Variants in COMMD2 observed in about 807,000 individuals in gnomAD.
COMMD2 encodes COMM domain containing 2.
In COMMD2, 25 loss-of-function variants were observed where a neutral mutation model predicts 22.5. The ratio of observed to expected loss-of-function variants is 1.11; its 90% CI spans 0.81 to 1.55. The LOEUF (loss-of-function observed/expected upper bound fraction) is 1.55. COMMD2 is among the 40% of genes most tolerant of loss of function. The pLI, the probability that COMMD2 is intolerant of heterozygous loss-of-function variation, is 0.00. For synonymous variants in COMMD2, 98 were observed against 91.2 expected, an observed-to-expected ratio of 1.07 and a Z score of -0.42; for missense variants, 223 against 232.9, an observed-to-expected ratio of 0.96 and a Z score of 0.28.
In COMMD2 at chr3:149,752,428, G is replaced by A; in HGVS notation, c.17C>T (p.Ser6Phe). The A allele has an allele frequency of 6.2e-7, 1 of 1,613,776 alleles. No individual in the cohort carries two copies. The highest frequency in any genetic ancestry group is 8.5e-7 in the Non-Finnish European group (1 of 1,179,814). ...GGCCAGGTGTTCCTTATGCTCCTCG[G>A]ACAATTCCAGCAGCATCTTCACTGT... Reference protein sequence around the residue: MLLELSEEHKEHLAFL... With the variant: MLLELFEEHKEHLAFL... Residue 6 changes from serine (S) to phenylalanine (F), a missense_variant, in exon 1 of 5, where the codon TCC becomes TTC. Ser to Phe is a radical substitution (Grantham distance 155). Coordinates refer to ENST00000473414, the MANE Select transcript of COMMD2 (RefSeq NM_016094.4).
At chr3:149,746,668 A>T (rs1407229617) in intron 4 of COMMD2, among the ~76,000 whole-genome samples, 2 of 151,690 alleles carry the variant, frequency 1.3e-5, no homozygotes, top group Non-Finnish European at 2.9e-5. Context: ...CTGTAATCCC[A>T]GCTACTCAGG....
intron 4 of COMMD2, among the ~76,000 whole-genome samples, chr3:149,745,490 A>T (rs1330839782): frequency 6.6e-6 from 1 of 152,052 alleles, no homozygotes; most frequent in Non-Finnish European, 1.5e-5. Flanking sequence ...CTATTAAAAC[A>T]CTCATCACAC....
rs144424348 is a variant in COMMD2, at chr3:149,747,970, AAG to A, written c.402+2706_402+2707del. On this transcript the variant is annotated intron_variant, in intron 4 of 4. Transcript: ENST00000473414. ...CTCAAAAAAAAAAAAAAAAAAAAAA[AAG>A]GCTTAGTATAGAAAGGAGCAAAATA... is the stretch of plus-strand genomic sequence containing the variant. 2.0e-3 allele frequency among the ~76,000 whole-genome samples: 297 copies of A among 150,260 alleles called. 1 individual carries two copies. The highest frequency in any genetic ancestry group is 6.9e-3 in the African/African-American group (279 of 40,498).
At chr3:149,743,998 A>C (rs1716302022) in intron 4 of COMMD2, among the ~76,000 whole-genome samples, 1 of 152,194 alleles carries the variant, frequency 6.6e-6, no homozygotes, top group African/African-American at 2.4e-5. Flanking sequence ...AGATTACATA[A>C]CATCCCTAAC....
intron 4 of COMMD2, among the ~76,000 whole-genome samples, chr3:149,745,773 G>A (rs1282509673): frequency 6.6e-6 from 1 of 152,212 alleles, no homozygotes; most frequent in Non-Finnish European, 1.5e-5. Context: ...TATCCCAAAT[G>A]TAAAATTTGA....
At position 149,750,748 on chromosome 3, in the gene COMMD2, C is replaced by G. The variant is rs376799937; in HGVS notation, c.332G>C (p.Arg111Thr). The G allele has an allele frequency of 1.2e-6, 2 of 1,608,912 alleles. No individual in the cohort carries two copies. Among genetic ancestry groups the G allele is most frequent in the Non-Finnish European group, 1.7e-6 (2 of 1,177,048 alleles). ...QLYLDNRKEI[R>T]TILSELAPSL... Reference sequence around the variant, plus strand: ...TGGTGCCAATTCACTCAGAATCGTTCTGATCTCTTTTCTGTTGTCCAGATA... The same window carrying G: ...TGGTGCCAATTCACTCAGAATCGTTGTGATCTCTTTTCTGTTGTCCAGATA... The change falls in exon 4 of 5, where the codon AGA (arginine) becomes ACA (threonine). Residue 111 changes from arginine to threonine, a missense_variant. Coordinates refer to ENST00000473414, the MANE Select transcript of COMMD2 (RefSeq NM_016094.4).
intron 4 of COMMD2, among the ~76,000 whole-genome samples, chr3:149,748,234 T>C (rs150841725): frequency 1.3e-5 from 2 of 152,210 alleles, no homozygotes; most frequent in African/African-American, 4.8e-5. Flanking sequence ...AGAAGACAAG[T>C]GGAGCAAGTG....
rs753575596 is a variant in COMMD2, at chr3:149,752,427, G to A, written c.18C>T (p.Ser6=). The change falls in exon 1 of 5, where the codon TCC becomes TCT. Residue 6 remains serine, a synonymous_variant. Coordinates refer to ENST00000473414, the MANE Select transcript of COMMD2 (RefSeq NM_016094.4). ...AGGCCAGGTGTTCCTTATGCTCCTC[G>A]GACAATTCCAGCAGCATCTTCACTG... The part of the protein sequence containing the change: MLLEL[S]EEHKEHLAFL... 5.0e-6 allele frequency: 8 copies of A among 1,613,818 alleles called. No homozygotes were observed. The South Asian group carries it at 5.5e-5, about 11-fold the overall frequency.
At position 149,741,404 on chromosome 3, in the gene COMMD2, C is replaced by T; in HGVS notation, c.*117G>A. On this transcript the variant is annotated 3_prime_UTR_variant, in exon 5 of 5. Coordinates refer to ENST00000473414, the MANE Select transcript of COMMD2 (RefSeq NM_016094.4). ...TGACCTCAGTATCTTGGAATAGATA[C>T]TGAGGAATACTATGTATTTATCATC... The T allele has an allele frequency of 1.2e-6, 1 of 824,830 alleles. No individual in the cohort carries two copies. The highest frequency in any genetic ancestry group is 1.9e-6 in the Non-Finnish European group (1 of 516,232). The allele number at this position is 824,830 out of a possible 1,614,324, so 51.1% of individuals were successfully genotyped here.
rs1369203753 is a variant in COMMD2 at position 149,739,519 on chromosome 3, C to T, written c.*2002G>A. 6.6e-6 allele frequency: 1 copy of T among 152,162 alleles called. No individual in the cohort carries two copies. The highest frequency in any genetic ancestry group is 1.5e-5 in the Non-Finnish European group (1 of 68,020). 9.4% of individuals were successfully genotyped at this position (152,162 alleles called of 1,614,324 possible). ...TTAAAAAAGGATTAGCACATGCTTT[C>T]TTGTTTTAATTGGGGTAAGAACAGT... On this transcript the variant is annotated 3_prime_UTR_variant, in exon 5 of 5. Coordinates refer to ENST00000473414, the MANE Select transcript of COMMD2 (RefSeq NM_016094.4).
intron 4 of COMMD2, among the ~76,000 whole-genome samples, chr3:149,745,666 T>C (rs1308622421): frequency 6.6e-6 from 1 of 152,220 alleles, no homozygotes; most frequent in East Asian, 1.9e-4. Flanking sequence ...CAAGGATGGA[T>C]TAATGGGACA....
intron 4 of COMMD2, among the ~76,000 whole-genome samples, chr3:149,748,431 G>C (rs1029159214): frequency 4.6e-5 from 7 of 152,180 alleles, no homozygotes; most frequent in African/African-American, 1.7e-4. Flanking sequence ...AGTGTTTACA[G>C]TTTAGTAAAA....
Position 149,751,397 on chromosome 3 carries a change from C to A in COMMD2, c.228+6G>T. On this transcript the variant is annotated splice_donor_region_variant and intron_variant, in intron 3 of 4. Coordinates refer to ENST00000473414, the MANE Select transcript of COMMD2 (RefSeq NM_016094.4). ...CCAACACAAAACAGTCCAGAAAATC[C>A]CTTACCATGAGCTTTGAGCTCTCAG... The A allele has an allele frequency of 6.2e-7, 1 of 1,613,966 alleles. No homozygotes were observed. The highest frequency in any genetic ancestry group is 8.5e-7 in the Non-Finnish European group (1 of 1,179,922).
Position 149,752,445 on chromosome 3 carries a change from C to G in COMMD2, c.-1G>C. On this transcript the variant is annotated 5_prime_UTR_variant, in exon 1 of 5. Coordinates refer to ENST00000473414, the MANE Select transcript of COMMD2 (RefSeq NM_016094.4). ...GCTCCTCGGACAATTCCAGCAGCATCTTCACTGTCCTACGATTTCACCCGG... is the reference window on the plus strand; with the variant it reads ...GCTCCTCGGACAATTCCAGCAGCATGTTCACTGTCCTACGATTTCACCCGG... 5 of 1,612,764 alleles carry G rather than the reference C, an allele frequency of 3.1e-6. No individual in the cohort carries two copies. Among genetic ancestry groups the G allele is most frequent in the Admixed American group, 1.7e-5 (1 of 59,784 alleles).
intron 2 of COMMD2, chr3:149,751,946 A>G: frequency 2.4e-6 from 1 of 423,094 alleles, no homozygotes. Flanking sequence ...TTTATACAAA[A>G]CACTTTTCAG....
In COMMD2 at chr3:149,752,415, C is replaced by T. The variant is rs769193180; in HGVS notation, c.30G>A (p.Lys10=). 4.3e-6 allele frequency: 7 copies of T among 1,613,976 alleles called. No homozygotes were observed. In the Admixed American group the frequency reaches 1.0e-4, roughly 23 times the overall value. The change falls in exon 1 of 5, where the codon AAG becomes AAA. Residue 10 remains lysine, a synonymous_variant. Transcript: ENST00000473414. The part of the protein sequence containing the change: MLLELSEEH[K]EHLAFLPQVD... ...CTTGAGGCAGGAAGGCCAGGTGTTC[C>T]TTATGCTCCTCGGACAATTCCAGCA...
chr3:149,742,876 A>G (rs1972147), intron 4 of COMMD2, among the ~76,000 whole-genome samples: 13,908 of 151,746 alleles, frequency 0.092, 1,471 homozygotes, highest in African/African-American at 0.25. Context: ...TGAGGCAGGA[A>G]AACTGCTTGA....
intron 4 of COMMD2, 115 bp from the exon 5 acceptor site, chr3:149,741,833 C>T: frequency 1.3e-6 from 1 of 774,884 alleles, no homozygotes; most frequent in South Asian, 1.8e-5. Flanking sequence ...GAATTACAGA[C>T]TTCAAAATGA....
chr3:149,746,241 A>G (rs1716361372), intron 4 of COMMD2, among the ~76,000 whole-genome samples: 1 of 151,982 alleles, frequency 6.6e-6, no homozygotes, highest in African/African-American at 2.4e-5. Flanking sequence ...TTTTCAAACC[A>G]TAGAAGGGAA....
Sources: allele counts gnomAD v4.1 joint callset (sites outside exome capture counted in the v4.1 genomes callset), GRCh38; gene constraint gnomAD v4.1.1; transcripts MANE v1.5; gene names NCBI Gene and HGNC (gene_info 2026-07-23, HGNC 2026-07-21).